The following SLC26A1 variants were observed in gnomAD, a reference collection of about 807,000 sequenced individuals.
The protein encoded by SLC26A1 is solute carrier family 26 member 1.
A neutral mutation model predicts 14.5 loss-of-function variants in SLC26A1; 18 were observed. The observed-to-expected ratio is 1.24, with a 90% CI of 0.86 to 1.84. The LOEUF (loss-of-function observed/expected upper bound fraction) is 1.84, where lower values mean the gene tolerates loss of function less well. Ranked by LOEUF, SLC26A1 falls within the 40% of genes most tolerant of loss-of-function variation. The pLI is 0.00. For missense variants in SLC26A1, 1,049 were observed against 1,020.0 expected, an observed-to-expected ratio of 1.03 and a Z score of -0.39; for synonymous variants, 505 against 492.0, an observed-to-expected ratio of 1.03 and a Z score of -0.35.
rs1007787086 is a variant in SLC26A1, at chr4:992,658, C to T, written c.-28+643G>A. On this transcript the variant is annotated intron_variant, in intron 1 of 2. Transcript: ENST00000398516. ...ATGACACACTGTCCCGAGGCAGCAC[C>T]GAGAGGGCCCAGCCCGCTGCACACA... is the stretch of plus-strand genomic sequence containing the variant. 3.1e-5 allele frequency: 5 copies of T among 161,518 alleles called. No individual in the cohort carries two copies. In the South Asian group the frequency reaches 5.1e-4, roughly 16 times the overall value. 10.0% of individuals were successfully genotyped at this position (161,518 alleles called of 1,614,324 possible).
intron 2 of SLC26A1, among the ~76,000 whole-genome samples, chr4:982,014 T>A (rs1713558542): frequency 6.6e-6 from 1 of 152,106 alleles, no homozygotes; most frequent in Admixed American, 6.5e-5. Context: ...AGAGACGAGT[T>A]TTCACCGTGT....
chr4:992,463 C>T (rs1301847538), intron 1 of SLC26A1, among the ~76,000 whole-genome samples: 1 of 152,238 alleles, frequency 6.6e-6, no homozygotes, highest in Non-Finnish European at 1.5e-5. Context: ...CTAGCCTAGC[C>T]CATCCGCCTG....
Position 988,287 on chromosome 4 carries a change from C to G in SLC26A1, c.*546G>C, listed in dbSNP as rs752705868. On this transcript the variant is annotated 3_prime_UTR_variant, in exon 3 of 3. Coordinates refer to ENST00000398516, the MANE Select transcript of SLC26A1 (RefSeq NM_022042.4). ...CCTGAGGGCTGAGCTGAGGTCTCAT[C>G]GGTCACAGCACCCTGGGCCCTGACG... The G allele has an allele frequency of 8.6e-7, 1 of 1,159,020 alleles. No individual in the cohort carries two copies. Among genetic ancestry groups the G allele is most frequent in the Non-Finnish European group, 1.1e-6 (1 of 935,210 alleles). 71.8% of individuals were successfully genotyped at this position (1,159,020 alleles called of 1,614,324 possible). A position where few individuals can be genotyped will look rare whatever the true frequency, so the allele number is the denominator to read the frequency against.
chr4:988,187 G>T lies in SLC26A1; in HGVS notation c.*646C>A, dbSNP rs755122178. 1 of 1,369,530 alleles carries T rather than the reference G, an allele frequency of 7.3e-7. No homozygotes were observed. The highest frequency in any genetic ancestry group is 2.8e-5 in the East Asian group (1 of 35,676). The allele number at this position is 1,369,530 out of a possible 1,614,324, so 84.8% of individuals were successfully genotyped here. On this transcript the variant is annotated 3_prime_UTR_variant, in exon 3 of 3. Transcript: ENST00000398516. ...TCCCTGCAGGCTCAGGGTTGGCTGCGCCGCACCTGGCTCCTGGTGCACCCG... is the reference window on the plus strand; with the variant it reads ...TCCCTGCAGGCTCAGGGTTGGCTGCTCCGCACCTGGCTCCTGGTGCACCCG...
downstream of SLC26A1, among the ~76,000 whole-genome samples, chr4:982,996 C>T (rs569452907): frequency 2.0e-4 from 31 of 152,360 alleles, no homozygotes; most frequent in African/African-American, 6.0e-4. Context: ...TGCAGGCGCT[C>T]GCCATGTGAG....
At position 991,446 on chromosome 4, in the gene SLC26A1, C is replaced by G. The variant is rs1714319487; in HGVS notation, c.258G>C (p.Gln86His). The G allele has an allele frequency of 6.2e-7, 1 of 1,612,638 alleles. No individual in the cohort carries two copies. The highest frequency in any genetic ancestry group is 1.3e-5 in the African/African-American group (1 of 74,926). Residue 86 changes from glutamine to histidine, a missense_variant, in exon 2 of 3, where the codon CAG becomes CAC. Coordinates refer to ENST00000398516, the MANE Select transcript of SLC26A1 (RefSeq NM_022042.4). ...GLVIGIILVP[Q>H]AIAYSLLAGL... ...CGGCCAGCAATGAGTAGGCGATGGC[C>G]TGCGGCACCAGGATGATGCCGATGA...
At chr4:981,196 C>T (rs1311406488) in intron 2 of SLC26A1, among the ~76,000 whole-genome samples, 3 of 152,250 alleles carry the variant, frequency 2.0e-5, no homozygotes, top group Non-Finnish European at 4.4e-5. Context: ...CTGACCAGGC[C>T]TTCTTCAGAG....
Position 987,712 on chromosome 4 carries a change from T to G in SLC26A1, c.*1121A>C. The G allele has an allele frequency of 6.4e-7, 1 of 1,572,562 alleles. No individual in the cohort carries two copies. Reference sequence around the variant, plus strand: ...ACTGAACGCACGGGCAGCGCCTGGATCCTGCGCCCGGGCAGTCCTGGGCTT... The same window carrying G: ...ACTGAACGCACGGGCAGCGCCTGGAGCCTGCGCCCGGGCAGTCCTGGGCTT... On this transcript the variant is annotated 3_prime_UTR_variant, in exon 3 of 3. Coordinates refer to ENST00000398516, the MANE Select transcript of SLC26A1 (RefSeq NM_022042.4).
In SLC26A1 at chr4:989,118, G is replaced by T; in HGVS notation, c.1821C>A (p.Ala607=). ...AGTCGATGACCACTGTGTGGAAGCC[G>T]GCCGCTGCGGGCACCAGCGCAGCCC... ...STRAALVPAA[A]GFHTVVIDCA... Residue 607 remains alanine, a synonymous_variant, in exon 3 of 3, where the codon GCC becomes GCA. Coordinates refer to ENST00000398516, the MANE Select transcript of SLC26A1 (RefSeq NM_022042.4). The T allele has an allele frequency of 6.2e-7, 1 of 1,605,544 alleles. No homozygotes were observed. Among genetic ancestry groups the T allele is most frequent in the Non-Finnish European group, 8.5e-7 (1 of 1,176,180 alleles).
chr4:988,538 C>T lies in SLC26A1; in HGVS notation c.*295G>A, dbSNP rs887757646. On this transcript the variant is annotated 3_prime_UTR_variant, in exon 3 of 3. Transcript: ENST00000398516. Reference sequence around the variant, plus strand: ...GTTCAAATAAGATGTCAACCCTGAGCGTCAGGTCAGGCCCATCCCTCCTGA... The same window carrying T: ...GTTCAAATAAGATGTCAACCCTGAGTGTCAGGTCAGGCCCATCCCTCCTGA... 8.1e-6 allele frequency: 10 copies of T among 1,230,890 alleles called. No homozygotes were observed. Among genetic ancestry groups the T allele is most frequent in the African/African-American group, 1.6e-5 (1 of 64,278 alleles). 76.2% of individuals were successfully genotyped at this position (1,230,890 alleles called of 1,614,324 possible). A position where few individuals can be genotyped will look rare whatever the true frequency, so the allele number is the denominator to read the frequency against.
intron 2 of SLC26A1, chr4:990,624 C>T (rs1423143308): frequency 2.2e-5 from 11 of 507,146 alleles, no homozygotes; most frequent in Non-Finnish European, 3.5e-5. Flanking sequence ...ACCCTTGTCA[C>T]GTGCAGCAGC....
chr4:979,739 G>A (rs1016141245), intron 2 of SLC26A1, among the ~76,000 whole-genome samples: 2 of 152,218 alleles, frequency 1.3e-5, no homozygotes, highest in African/African-American at 2.4e-5. Flanking sequence ...CCGTGAATCC[G>A]TCCCACTGTG....
At chr4:981,746 C>T (rs762081957) in intron 2 of SLC26A1, among the ~76,000 whole-genome samples, 11 of 152,224 alleles carry the variant, frequency 7.2e-5, no homozygotes, top group Non-Finnish European at 1.6e-4. Context: ...CTCAGCCACT[C>T]CTGACAGCCG....
At chr4:987,537 C>G (rs927531704), downstream of SLC26A1, 37 of 1,066,936 alleles carry the variant, frequency 3.5e-5, no homozygotes, top group Non-Finnish European at 4.2e-5. Flanking sequence ...GCCTGCCTGT[C>G]CCATTCCTTC....
In SLC26A1 at chr4:988,308, T is replaced by C. The variant is rs890263432; in HGVS notation, c.*525A>G. Reference sequence around the variant, plus strand: ...TCATCGGTCACAGCACCCTGGGCCCTGACGCTGGTGCAGGTGGCCACCCTG... The same window carrying C: ...TCATCGGTCACAGCACCCTGGGCCCCGACGCTGGTGCAGGTGGCCACCCTG... On this transcript the variant is annotated 3_prime_UTR_variant, in exon 3 of 3. Transcript: ENST00000398516. The C allele has an allele frequency of 4.7e-5, 52 of 1,110,148 alleles. No homozygotes were observed. Among genetic ancestry groups the C allele is most frequent in the Non-Finnish European group, 5.2e-5 (47 of 906,870 alleles). 68.8% of individuals were successfully genotyped at this position (1,110,148 alleles called of 1,614,324 possible). A position where few individuals can be genotyped will look rare whatever the true frequency, so the allele number is the denominator to read the frequency against.
At position 991,421 on chromosome 4, in the gene SLC26A1, C is replaced by T. The variant is rs777205197; in HGVS notation, c.283G>A (p.Gly95Arg). 29 of 1,612,694 alleles carry T rather than the reference C, an allele frequency of 1.8e-5. 1 individual carries two copies. Among genetic ancestry groups the T allele is most frequent in the South Asian group, 9.9e-5 (9 of 91,094 alleles). The stretch of plus-strand genomic sequence containing the variant: ...TAGAGGCTGTAGATGGGCTGCAGCC[C>T]GGCCAGCAATGAGTAGGCGATGGCC... ...PQAIAYSLLA[G>R]LQPIYSLYTS... is the part of the protein sequence containing the mutation. The change falls in exon 2 of 3, where the codon GGG becomes AGG. Residue 95 changes from glycine (G) to arginine (R), a missense_variant. Physicochemically the swap from Gly to Arg is moderately radical, Grantham distance 125. Coordinates refer to ENST00000398516, the MANE Select transcript of SLC26A1 (RefSeq NM_022042.4).
At chr4:979,269 G>C in exon 3 of SLC26A1, 1 of 632,034 alleles carries the variant, frequency 1.6e-6, no homozygotes, top group East Asian at 2.8e-5. Context: ...AGGCTGGCCA[G>C]GTTGAGGGGC....
chr4:986,632 A>G (rs1331261167), downstream of SLC26A1, among the ~76,000 whole-genome samples: 3 of 152,162 alleles, frequency 2.0e-5, no homozygotes, highest in African/African-American at 7.2e-5. Flanking sequence ...CCTTCCTGCT[A>G]AAGCGCACGC....
Position 989,972 on chromosome 4 carries a change from T to C in SLC26A1, c.967A>G (p.Ile323Val). 1 of 1,557,032 alleles carries C rather than the reference T, an allele frequency of 6.4e-7. No individual in the cohort carries two copies. The highest frequency in any genetic ancestry group is 8.7e-7 in the Non-Finnish European group (1 of 1,152,222). Reference sequence around the variant, plus strand: ...TGAGGGGGCATGAAACCCGTGGGGATGTCGCCAGCCACGCTCGAGCCAAAG... The same window carrying C: ...TGAGGGGGCATGAAACCCGTGGGGACGTCGCCAGCCACGCTCGAGCCAAAG... ...KRFGSSVAGDIPTGFMPPQVP... is the reference protein window; with the variant it reads ...KRFGSSVAGDVPTGFMPPQVP... The change falls in exon 3 of 3, where the codon ATC (isoleucine) becomes GTC (valine). Residue 323 changes from isoleucine (I) to valine (V), a missense_variant. Physicochemically the swap from Ile to Val is conservative, Grantham distance 29. Transcript: ENST00000398516.
Sources: allele counts gnomAD v4.1 joint callset (sites outside exome capture counted in the v4.1 genomes callset), GRCh38; gene constraint gnomAD v4.1.1; transcripts MANE v1.5; gene names NCBI Gene and HGNC (gene_info 2026-07-23, HGNC 2026-07-21).